The following SOX5 variants were observed in gnomAD, a reference collection of about 807,000 sequenced individuals.
SOX5 encodes the protein transcription factor SOX-5.
Under a neutral mutation model 92.0 loss-of-function variants are expected in SOX5, and 9 were observed. That is an observed-to-expected ratio of 0.10 (90% CI 0.06 to 0.17). The LOEUF (loss-of-function observed/expected upper bound fraction) is 0.17, where lower values mean the gene tolerates loss of function less well. Ranked by LOEUF, SOX5 falls within the 10% of genes least tolerant of loss-of-function variation. SOX5 has a pLI of 1.00. For synonymous variants in SOX5, 344 were observed against 336.3 expected, an observed-to-expected ratio of 1.02 and a Z score of -0.25; for missense variants, 642 against 944.5, an observed-to-expected ratio of 0.68 and a Z score of 4.20.
intron 2 of SOX5, among the ~76,000 whole-genome samples, chr12:23,883,380 G>C (rs1242436676): frequency 3.3e-5 from 5 of 152,024 alleles, no homozygotes; most frequent in African/African-American, 9.7e-5. Flanking sequence ...TTATTAAAAG[G>C]AAAACATGAA....
intron 4 of SOX5, among the ~76,000 whole-genome samples, chr12:24,116,420 T>C (rs926254033): frequency 1.3e-5 from 2 of 150,748 alleles, no homozygotes; most frequent in Non-Finnish European, 3.0e-5. Flanking sequence ...AGAAAAAATA[T>C]CTCAAGGCAG....
rs1359089986 is a variant in SOX5 at position 23,810,114 on chromosome 12, A to G, written c.481+35869T>C. The stretch of plus-strand genomic sequence containing the variant: ...GTTTCTGGAAACACAGAAGCTATCA[A>G]AAGCAGGTGCAATACTATCTTCTGT... On this transcript the variant is annotated intron_variant, in intron 3 of 14. Transcript: ENST00000451604. Among the ~76,000 whole-genome samples, 3 of 152,204 alleles carry G rather than the reference A, an allele frequency of 2.0e-5. No homozygotes were observed. In the East Asian group the frequency reaches 5.8e-4, roughly 29 times the overall value.
chr12:23,628,341 G>A (rs2078101213), intron 8 of SOX5, among the ~76,000 whole-genome samples: 1 of 152,010 alleles, frequency 6.6e-6, no homozygotes. Context: ...GGATGGAATT[G>A]TCTCTGTTAC....
chr12:24,265,077 T>C (rs1420283489), intron 3 of SOX5, among the ~76,000 whole-genome samples: 1 of 152,228 alleles, frequency 6.6e-6, no homozygotes, highest in Admixed American at 6.5e-5. Flanking sequence ...AAATCTTGGA[T>C]GAACTTGTTA....
intron 1 of SOX5, among the ~76,000 whole-genome samples, chr12:24,524,685 T>G (rs1950549612): frequency 6.6e-6 from 1 of 152,032 alleles, no homozygotes; most frequent in South Asian, 2.1e-4. Flanking sequence ...GGTGAGAATA[T>G]TGAGAAATTA....
intron 1 of SOX5, among the ~76,000 whole-genome samples, chr12:24,439,722 G>A (rs763503359): frequency 2.6e-5 from 4 of 151,878 alleles, no homozygotes; most frequent in Admixed American, 2.0e-4. Context: ...GTGAAACCCC[G>A]TCTCTACTAA....
chr12:23,576,483 C>T (rs1324152132), intron 9 of SOX5, among the ~76,000 whole-genome samples: 1 of 152,194 alleles, frequency 6.6e-6, no homozygotes, highest in Non-Finnish European at 1.5e-5. Context: ...TCATACTGTT[C>T]TAAACACTAA....
chr12:23,721,965 A>C (rs2092840955), intron 6 of SOX5, among the ~76,000 whole-genome samples: 1 of 152,066 alleles, frequency 6.6e-6, no homozygotes, highest in South Asian at 2.1e-4. Context: ...TTAAATAGAG[A>C]GCATGGTGTT....
intron 4 of SOX5, among the ~76,000 whole-genome samples, chr12:24,095,090 A>AACACACAC (rs150030739): frequency 0.034 from 4,497 of 131,436 alleles, 238 homozygotes; most frequent in African/African-American, 0.1. Flanking sequence ...CTAGCCCCGA[A>AACACACAC]ACACACACAC....
At chr12:24,217,854 T>C (rs181029052) in intron 3 of SOX5, among the ~76,000 whole-genome samples, 2 of 152,292 alleles carry the variant, frequency 1.3e-5, no homozygotes, top group Admixed American at 1.3e-4. Context: ...GACATTTCAC[T>C]AGAGAAGATG....
At chr12:23,912,222 C>A (rs7979868) in intron 1 of SOX5, among the ~76,000 whole-genome samples, 3,125 of 152,100 alleles carry the variant, frequency 0.021, 78 homozygotes, top group African/African-American at 0.062. Context: ...AGAAGATATA[C>A]AAATGATCAG....
intron 4 of SOX5, among the ~76,000 whole-genome samples, chr12:24,035,367 C>T (rs1203708056): frequency 6.6e-6 from 1 of 152,084 alleles, no homozygotes; most frequent in Non-Finnish European, 1.5e-5. Context: ...ACATGAACTC[C>T]TGTAACAATT....
chr12:23,635,274 G>A lies in SOX5; in HGVS notation c.1017+5538C>T, dbSNP rs575818578. Among the ~76,000 whole-genome samples, 3 of 152,236 alleles carry A rather than the reference G, an allele frequency of 2.0e-5. No individual in the cohort carries two copies. In the East Asian group the frequency reaches 5.8e-4, roughly 29 times the overall value. On this transcript the variant is annotated intron_variant, in intron 8 of 14. Transcript: ENST00000451604. The stretch of plus-strand genomic sequence containing the variant: ...AGGAAGAGAAAACACCACTTGTAAA[G>A]ATCCAGGGTGGAGAAAGAACTTCAA...
intron 4 of SOX5, among the ~76,000 whole-genome samples, chr12:24,120,672 T>C (rs1462028271): frequency 1.3e-5 from 2 of 152,238 alleles, no homozygotes; most frequent in African/African-American, 4.8e-5. Flanking sequence ...TGTGATCTTA[T>C]GGCTAAATCA....
chr12:24,236,837 G>T (rs773093260), intron 3 of SOX5, among the ~76,000 whole-genome samples: 1 of 151,872 alleles, frequency 6.6e-6, no homozygotes, highest in Non-Finnish European at 1.5e-5. Flanking sequence ...GCAGGTGAAA[G>T]TAATAAACAC....
intron 6 of SOX5, among the ~76,000 whole-genome samples, chr12:23,706,326 G>A (rs2091386777): frequency 1.3e-5 from 2 of 152,008 alleles, no homozygotes; most frequent in African/African-American, 4.8e-5. Flanking sequence ...AGAACCAAAT[G>A]TTATTAGAAT....
At chr12:24,195,390 C>A (rs1440509744) in intron 4 of SOX5, among the ~76,000 whole-genome samples, 2 of 152,128 alleles carry the variant, frequency 1.3e-5, no homozygotes, top group Non-Finnish European at 2.9e-5. Context: ...AACCTACAAA[C>A]TACAAGAGAA....
chr12:23,695,134 T>C (rs1346558837), intron 6 of SOX5, among the ~76,000 whole-genome samples: 3 of 111,218 alleles, frequency 2.7e-5, no homozygotes, highest in Admixed American at 2.7e-4. Flanking sequence ...AAAAAAAAAA[T>C]CAATTGAACA....
intron 10 of SOX5, among the ~76,000 whole-genome samples, chr12:23,570,971 A>T (rs1338071306): frequency 6.2e-5 from 5 of 81,084 alleles, no homozygotes; most frequent in African/African-American, 2.3e-4. Context: ...ATATATATAT[A>T]TATATATATA....
Sources: gnomAD v4.1 joint callset for allele counts (sites outside exome capture counted in the v4.1 genomes callset) on GRCh38, gnomAD v4.1.1 for gene constraint, MANE v1.5 for transcripts, NCBI Gene and HGNC (gene_info 2026-07-23, HGNC 2026-07-21) for gene names.